Variants in ZSWIM3 observed in about 807,000 individuals in gnomAD.
ZSWIM3 encodes zinc finger SWIM domain-containing protein 3.
Under a neutral mutation model 47.5 loss-of-function variants are expected in ZSWIM3, and 27 were observed. The observed-to-expected ratio is 0.57, with a 90% confidence interval of 0.42 to 0.78. ZSWIM3 has a LOEUF of 0.78. Among genes scored for constraint, ZSWIM3 ranks in the 30% least tolerant of loss-of-function variants. The pLI, the probability that ZSWIM3 is intolerant of heterozygous loss-of-function variation, is 0.00. For synonymous variants in ZSWIM3, 333 were observed against 333.9 expected, an observed-to-expected ratio of 1.00 and a Z score of 0.03; for missense variants, 689 against 861.3, an observed-to-expected ratio of 0.80 and a Z score of 2.50.
chr20:45,860,043 G>A (rs1403751767), intron 1 of ZSWIM3, among the ~76,000 whole-genome samples: 1 of 152,208 alleles, frequency 6.6e-6, no homozygotes, highest in African/African-American at 2.4e-5. Flanking sequence ...ATGGAGAGCT[G>A]TCAGAAGGTG....
rs1986098652 is a variant in ZSWIM3, at chr20:45,876,658, T to C, written c.156-56T>C. On this transcript the variant is annotated intron_variant, in intron 1 of 1. Transcript: ENST00000255152. ...CCAGCCCCCTTCAGGGTCTTATCTT[T>C]ATAAGGGGTGGGGGGTGGTCAGCAC... 3.8e-6 allele frequency: 6 copies of C among 1,559,524 alleles called. No individual in the cohort carries two copies. In the South Asian group the frequency reaches 7.4e-5, roughly 19 times the overall value.
Position 45,878,837 on chromosome 20 carries a change from C to A in ZSWIM3, c.*188C>A. 1 of 788,110 alleles carries A rather than the reference C, an allele frequency of 1.3e-6. No individual in the cohort carries two copies. Among genetic ancestry groups the A allele is most frequent in the Non-Finnish European group, 1.9e-6 (1 of 526,938 alleles). 48.8% of individuals were successfully genotyped at this position (788,110 alleles called of 1,614,324 possible). On this transcript the variant is annotated 3_prime_UTR_variant, in exon 2 of 2. Transcript: ENST00000255152. ...GTCCTTTCAATCTGCCCCTTTTCAG[C>A]CCTACTTTTGGCATTCCTTGGGAGC...
chr20:45,870,298 C>A (rs903765197), intron 1 of ZSWIM3, among the ~76,000 whole-genome samples: 1 of 151,778 alleles, frequency 6.6e-6, no homozygotes, highest in Non-Finnish European at 1.5e-5. Flanking sequence ...CAAGACCGTG[C>A]CAGTGCATTC....
intron 1 of ZSWIM3, among the ~76,000 whole-genome samples, chr20:45,871,285 G>A (rs926337207): frequency 6.6e-6 from 1 of 152,088 alleles, no homozygotes; most frequent in Non-Finnish European, 1.5e-5. Flanking sequence ...GATCTGGAGG[G>A]GGTCAACCAG....
At chr20:45,867,093 G>A (rs569368031) in intron 1 of ZSWIM3, among the ~76,000 whole-genome samples, 10 of 140,078 alleles carry the variant, frequency 7.1e-5, no homozygotes, top group Non-Finnish European at 1.4e-4. Flanking sequence ...TGCAACCTCC[G>A]CCTTCCGAGT....
intron 1 of ZSWIM3, among the ~76,000 whole-genome samples, chr20:45,862,757 G>T (rs1364127704): frequency 6.6e-6 from 1 of 152,202 alleles, no homozygotes; most frequent in Non-Finnish European, 1.5e-5. Context: ...CTTCCAAAGG[G>T]CTGCGATTAC....
At position 45,860,585 on chromosome 20, in the gene ZSWIM3, T is replaced by A. The variant is rs543196370; in HGVS notation, c.155+2605T>A. Among the ~76,000 whole-genome samples the A allele has an allele frequency of 1.6e-3, 238 of 151,638 alleles. 1 individual carries two copies. The highest frequency in any genetic ancestry group is 2.5e-3 in the South Asian group (12 of 4,792). ...CCTCCTAGAGGCTGCCCAACACACC[T>A]TGGGTCATGGCCCCCTTCCTCCATC... On this transcript the variant is annotated intron_variant, in intron 1 of 1. Coordinates refer to ENST00000255152, the MANE Select transcript of ZSWIM3 (RefSeq NM_080752.4).
chr20:45,858,036 G>C, intron 1 of ZSWIM3, 56 bp downstream of exon 1: 1 of 1,566,210 alleles, frequency 6.4e-7, no homozygotes, highest in East Asian at 2.3e-5. Flanking sequence ...CTGGACCTCC[G>C]GAGGGCTGCC....
At position 45,863,177 on chromosome 20, in the gene ZSWIM3, T is replaced by TG. The variant is rs1555827179; in HGVS notation, c.155+5197_155+5198insG. Among the ~76,000 whole-genome samples, 7 of 111,244 alleles carry TG rather than the reference T, an allele frequency of 6.3e-5. No individual in the cohort carries two copies. The South Asian group carries it at 1.4e-3, about 22-fold the overall frequency. The allele number at this position is 111,244 out of a possible 152,430, so 73.0% of individuals were successfully genotyped here. A position where few individuals can be genotyped will look rare whatever the true frequency, so the allele number is the denominator to read the frequency against. On this transcript the variant is annotated intron_variant, in intron 1 of 1. Transcript: ENST00000255152. ...CTTTCATTGATTTCCTTGTTTTTTT[T>TG]TTTGTTTGTTTGTTTGTTTTTTTGT...
chr20:45,859,746 A>G (rs1389706473), intron 1 of ZSWIM3, among the ~76,000 whole-genome samples: 2 of 135,062 alleles, frequency 1.5e-5, no homozygotes, highest in Non-Finnish European at 3.0e-5. Context: ...AGGTGTTTGG[A>G]CCTTGTCCTT....
At chr20:45,869,838 T>C (rs1360415445) in intron 1 of ZSWIM3, among the ~76,000 whole-genome samples, 1 of 150,462 alleles carries the variant, frequency 6.6e-6, no homozygotes, top group East Asian at 2.0e-4. Context: ...AGGTCAGGAG[T>C]TCAAGACCAG....
chr20:45,867,229 A>G (rs561878549), intron 1 of ZSWIM3, among the ~76,000 whole-genome samples: 1 of 152,000 alleles, frequency 6.6e-6, no homozygotes, highest in East Asian at 1.9e-4. Context: ...CTGGTCTCGA[A>G]CTCCTGACCT....
intron 1 of ZSWIM3, among the ~76,000 whole-genome samples, chr20:45,864,517 A>G (rs374417703): frequency 8.5e-5 from 13 of 152,332 alleles, no homozygotes; most frequent in African/African-American, 2.9e-4. Flanking sequence ...TTATGTGAAA[A>G]TGTAGACATA....
chr20:45,859,816 A>AAAAAAAAAC (rs146830909), intron 1 of ZSWIM3, among the ~76,000 whole-genome samples: 1 of 129,304 alleles, frequency 7.7e-6, no homozygotes, highest in Non-Finnish European at 1.6e-5. Context: ...AAAAAAAAAA[A>AAAAAAAAAC]CCACAGTTGC....
rs1448629632 is a variant in ZSWIM3, at chr20:45,877,349, A to G, written c.791A>G (p.Lys264Arg). ...LKAETVTSVA[K>R]MLSIFTEFNS... ...GCGGAGACAGTCACCTCTGTGGCCA[A>G]GATGCTGAGCATCTTCACAGAGTTC... Residue 264 changes from lysine to arginine, a missense_variant, in exon 2 of 2, where the codon AAG becomes AGG. By Grantham distance (26) the Lys-to-Arg change is conservative. Coordinates refer to ENST00000255152, the MANE Select transcript of ZSWIM3 (RefSeq NM_080752.4). 1.2e-6 allele frequency: 2 copies of G among 1,614,078 alleles called. No individual in the cohort carries two copies. Among genetic ancestry groups the G allele is most frequent in the African/African-American group, 2.7e-5 (2 of 74,922 alleles).
chr20:45,870,693 T>A (rs190440032), intron 1 of ZSWIM3, among the ~76,000 whole-genome samples: 14 of 152,244 alleles, frequency 9.2e-5, no homozygotes, highest in South Asian at 8.3e-4. Context: ...GAATTTATTT[T>A]TTTTTTTTTT....
At chr20:45,859,449 C>T (rs539442432) in intron 1 of ZSWIM3, among the ~76,000 whole-genome samples, 135 of 144,106 alleles carry the variant, frequency 9.4e-4, no homozygotes, top group African/African-American at 3.6e-3. Flanking sequence ...AAGAAATGTA[C>T]GGAGAAAGAA....
intron 1 of ZSWIM3, among the ~76,000 whole-genome samples, chr20:45,870,397 C>CGAAGGA (rs1236641104): frequency 6.6e-6 from 1 of 152,008 alleles, no homozygotes; most frequent in East Asian, 1.9e-4. Flanking sequence ...TTCTTTGTCC[C>CGAAGGA]GAATTGGGCC....
chr20:45,866,444 A>C (rs1171048648), intron 1 of ZSWIM3, among the ~76,000 whole-genome samples: 1 of 152,132 alleles, frequency 6.6e-6, no homozygotes, highest in Non-Finnish European at 1.5e-5. Context: ...CTTGCCCTTG[A>C]CCTTGGGCAA....
Sources: gnomAD v4.1 joint callset for allele counts (sites outside exome capture counted in the v4.1 genomes callset) on GRCh38, gnomAD v4.1.1 for gene constraint, MANE v1.5 for transcripts, NCBI Gene and HGNC (gene_info 2026-07-23, HGNC 2026-07-21) for gene names.